Variants in PDCL3 observed in about 807,000 individuals in gnomAD.
PDCL3 encodes the protein phosducin-like protein 3.
In PDCL3, 22 loss-of-function variants were observed where a neutral mutation model predicts 26.5. The observed-to-expected ratio is 0.83, with a 90% CI of 0.59 to 1.19. The LOEUF is 1.19. Among genes scored for constraint, PDCL3 ranks in the 50% most tolerant of loss-of-function variants. PDCL3 has a pLI of 0.00. For synonymous variants in PDCL3, 81 were observed against 104.9 expected (o/e 0.77, Z 1.39); for missense variants, 246 against 294.1 (o/e 0.84, Z 1.20).
chr2:100,574,732 G>A (rs1675245181), intron 5 of PDCL3, among the ~76,000 whole-genome samples: 1 of 152,088 alleles, frequency 6.6e-6, no homozygotes, highest in African/African-American at 2.4e-5. Flanking sequence ...TGTATCCTTG[G>A]CCAACATCTC....
intron 5 of PDCL3, among the ~76,000 whole-genome samples, chr2:100,575,308 T>G (rs1421373353): frequency 6.6e-6 from 1 of 152,138 alleles, no homozygotes; most frequent in Non-Finnish European, 1.5e-5. Context: ...GCTAATTTTT[T>G]GTATTTTTAG....
intron 5 of PDCL3, among the ~76,000 whole-genome samples, chr2:100,575,206 G>A (rs1184555441): frequency 1.3e-5 from 2 of 152,108 alleles, no homozygotes; most frequent in East Asian, 3.9e-4. Flanking sequence ...CGCGATCTCG[G>A]CTCACTGCAA....
At chr2:100,563,442 T>G (rs1674994597) in intron 1 of PDCL3, 2 of 200,552 alleles carry the variant, frequency 1.0e-5, no homozygotes. Flanking sequence ...AAGCGGAGGG[T>G]CCGGCCTGGG....
At chr2:100,575,955 C>G (rs1464774806) in intron 5 of PDCL3, among the ~76,000 whole-genome samples, 1 of 151,508 alleles carries the variant, frequency 6.6e-6, no homozygotes, top group East Asian at 1.9e-4. Context: ...AGTGCAGTGA[C>G]ATGATCATGG....
chr2:100,569,532 T>C (rs751762968), intron 3 of PDCL3, 46 bp from the exon 4 acceptor site: 1 of 1,607,118 alleles, frequency 6.2e-7, no homozygotes, highest in Non-Finnish European at 8.5e-7. Context: ...GATGTGTGTG[T>C]ACACGTGTTT....
chr2:100,564,079 A>AT (rs1228567562), intron 1 of PDCL3, among the ~76,000 whole-genome samples: 1 of 150,190 alleles, frequency 6.7e-6, no homozygotes, highest in Non-Finnish European at 1.5e-5. Context: ...CTCTGGGCTA[A>AT]TTTTTTGTGC....
At chr2:100,568,829 G>T in intron 2 of PDCL3, 102 bp from the exon 3 acceptor site, 1 of 890,992 alleles carries the variant, frequency 1.1e-6, no homozygotes, top group East Asian at 2.4e-5. Context: ...AGGATCTGGT[G>T]TTGTGTGCAT....
chr2:100,571,393 T>C (rs1203191331), intron 4 of PDCL3, among the ~76,000 whole-genome samples, 197 bp from the exon 5 acceptor site: 5 of 149,998 alleles, frequency 3.3e-5, no homozygotes, highest in African/African-American at 1.2e-4. Context: ...TGAGCCGAGA[T>C]CACACCACTT....
intron 2 of PDCL3, among the ~76,000 whole-genome samples, chr2:100,568,652 C>T (rs1352371777): frequency 2.0e-5 from 3 of 151,720 alleles, no homozygotes; most frequent in Admixed American, 6.6e-5. Context: ...GGAAAATAAG[C>T]GGGGCAGGGT....
At chr2:100,565,749 A>G (rs540674010) in intron 1 of PDCL3, among the ~76,000 whole-genome samples, 8 of 152,142 alleles carry the variant, frequency 5.3e-5, no homozygotes, top group African/African-American at 7.2e-5. Context: ...TTATCTCTCT[A>G]TGTATAGTTT....
intron 5 of PDCL3, among the ~76,000 whole-genome samples, chr2:100,572,305 A>T (rs28694778): frequency 1.3e-5 from 2 of 151,818 alleles, no homozygotes; most frequent in Non-Finnish European, 2.9e-5. Flanking sequence ...TCTGCCTCCC[A>T]GGTTCAAGTG....
chr2:100,569,501 T>C, intron 3 of PDCL3, 77 bp from the exon 4 acceptor site: 1 of 1,500,382 alleles, frequency 6.7e-7, no homozygotes, highest in Non-Finnish European at 8.9e-7. Context: ...CCTGGGCTTT[T>C]ACAAGGATTG....
chr2:100,571,208 C>T (rs1023951904), intron 4 of PDCL3, among the ~76,000 whole-genome samples: 2 of 151,558 alleles, frequency 1.3e-5, no homozygotes, highest in Non-Finnish European at 2.9e-5. Flanking sequence ...GCCACTGCAC[C>T]CAGCTAATTT....
chr2:100,564,301 GT>G (rs1182148209), intron 1 of PDCL3, among the ~76,000 whole-genome samples: 1 of 149,600 alleles, frequency 6.7e-6, no homozygotes, highest in Non-Finnish European at 1.5e-5. Flanking sequence ...TTGTTTGTTT[GT>G]TTGTTTCTTT....
intron 1 of PDCL3, among the ~76,000 whole-genome samples, chr2:100,565,367 C>T (rs922685695): frequency 2.0e-5 from 3 of 151,238 alleles, no homozygotes; most frequent in Non-Finnish European, 4.4e-5. Flanking sequence ...CTCCACCTCC[C>T]GGGTTCCTGC....
At chr2:100,570,393 T>A (rs1235334474) in intron 4 of PDCL3, among the ~76,000 whole-genome samples, 7 of 152,076 alleles carry the variant, frequency 4.6e-5, no homozygotes, top group Admixed American at 4.6e-4. Context: ...GCCTGAACTG[T>A]GTGATACTGA....
chr2:100,568,974 T>C lies in PDCL3; in HGVS notation c.177T>C (p.His59=). ...EDMTLEELED[H]EDEFNEEDER... ...TGACTTTGGAAGAGCTGGAGGATCATGAAGACGAGTTTAATGAGGAGGATG... is the reference window on the plus strand; with the variant it reads ...TGACTTTGGAAGAGCTGGAGGATCACGAAGACGAGTTTAATGAGGAGGATG... Residue 59 remains histidine (H), a synonymous_variant, in exon 3 of 6, where the codon CAT becomes CAC. Coordinates refer to ENST00000264254, the MANE Select transcript of PDCL3 (RefSeq NM_024065.5). 1 of 1,614,100 alleles carries C rather than the reference T, an allele frequency of 6.2e-7. No individual in the cohort carries two copies. Among genetic ancestry groups the C allele is most frequent in the Non-Finnish European group, 8.5e-7 (1 of 1,179,966 alleles).
intron 1 of PDCL3, among the ~76,000 whole-genome samples, chr2:100,565,185 C>A (rs1301292894): frequency 6.6e-6 from 1 of 152,014 alleles, no homozygotes; most frequent in Non-Finnish European, 1.5e-5. Context: ...CCAGTCTGGT[C>A]TTTTAACTCC....
intron 5 of PDCL3, among the ~76,000 whole-genome samples, chr2:100,574,344 GTT>G (rs141605070): frequency 2.2e-5 from 3 of 134,600 alleles, no homozygotes; most frequent in Non-Finnish European, 1.6e-5. Flanking sequence ...CTGAAGTCTT[GTT>G]TTTTTTTTTT....
Sources: gnomAD v4.1 joint callset for allele counts (sites outside exome capture counted in the v4.1 genomes callset) on GRCh38, gnomAD v4.1.1 for gene constraint, MANE v1.5 for transcripts, NCBI Gene and HGNC (gene_info 2026-07-23, HGNC 2026-07-21) for gene names.